Variants in PRTG observed in about 807,000 individuals in gnomAD.
PRTG encodes the protein protogenin.
PRTG carries 67 observed loss-of-function variants against 122.5 expected under a neutral mutation model. The observed-to-expected ratio is 0.55, with a 90% CI of 0.45 to 0.67. The LOEUF (loss-of-function observed/expected upper bound fraction) is 0.67, where lower values mean the gene tolerates loss of function less well. PRTG is among the 30% of genes least tolerant of loss of function. The probability of loss-of-function intolerance (pLI) is 0.00; values close to 1 mark genes in which losing one functional copy is unlikely to be tolerated. For missense variants in PRTG, 1,435 were observed against 1,415.4 expected (o/e 1.01, Z -0.22); for synonymous variants, 554 against 501.1 (o/e 1.11, Z -1.41).
At chr15:55,664,104 G>C (rs1270669258) in intron 11 of PRTG, among the ~76,000 whole-genome samples, 1 of 152,088 alleles carries the variant, frequency 6.6e-6, no homozygotes, top group Non-Finnish European at 1.5e-5. Flanking sequence ...TTTGTGTACA[G>C]TTTTTTTGTC....
rs59773365 is a variant in PRTG, at chr15:55,612,697, AATATATATATATATAT to A, written c.*7299_*7314del. On this transcript the variant is annotated 3_prime_UTR_variant, in exon 20 of 20. Coordinates refer to ENST00000389286, the MANE Select transcript of PRTG (RefSeq NM_173814.6). Reference sequence around the variant, plus strand: ...TTCTCTCTTTAACTCTTTAAAAGCCAATATATATATATATATATATATATATATATATATATATATA... The same window carrying A: ...TTCTCTCTTTAACTCTTTAAAAGCCAATATATATATATATATATATATATA... 231 of 120,730 alleles carry A rather than the reference AATATATATATATATAT, an allele frequency of 1.9e-3. 1 individual carries two copies. Among genetic ancestry groups the A allele is most frequent in the African/African-American group, 7.2e-3 (153 of 21,378 alleles). 7.5% of individuals were successfully genotyped at this position (120,730 alleles called of 1,614,324 possible).
At chr15:55,679,163 G>T in intron 7 of PRTG, 123 bp downstream of exon 7, 2 of 634,792 alleles carry the variant, frequency 3.2e-6, no homozygotes, top group Non-Finnish European at 5.3e-6. Flanking sequence ...TCTTAGTTTA[G>T]TTTCATTTTG....
intron 3 of PRTG, among the ~76,000 whole-genome samples, chr15:55,683,303 T>C (rs1198076296): frequency 1.3e-5 from 2 of 152,128 alleles, no homozygotes; most frequent in East Asian, 1.9e-4. Context: ...TTGGAGTTGC[T>C]ATCAAGTTCT....
intron 2 of PRTG, among the ~76,000 whole-genome samples, chr15:55,716,433 T>C (rs1193680907): frequency 6.6e-6 from 1 of 152,176 alleles, no homozygotes; most frequent in Admixed American, 6.5e-5. Flanking sequence ...CCCTAATCCA[T>C]GTGACTGAAC....
intron 2 of PRTG, among the ~76,000 whole-genome samples, chr15:55,728,790 G>A (rs1334306781): frequency 6.6e-6 from 1 of 152,106 alleles, no homozygotes; most frequent in Admixed American, 6.6e-5. Context: ...CCAAATTGGA[G>A]AGAGAGAAAT....
chr15:55,732,802 C>T (rs964289646), intron 2 of PRTG, among the ~76,000 whole-genome samples: 1 of 152,162 alleles, frequency 6.6e-6, no homozygotes, highest in Non-Finnish European at 1.5e-5. Context: ...CCGGTAAACC[C>T]TTAACAGCAG....
chr15:55,625,807 G>C (rs577333287), intron 17 of PRTG, among the ~76,000 whole-genome samples: 1 of 152,074 alleles, frequency 6.6e-6, no homozygotes, highest in African/African-American at 2.4e-5. Context: ...ATTTTTAGTA[G>C]AGACAGGATT....
intron 11 of PRTG, among the ~76,000 whole-genome samples, chr15:55,652,514 C>A (rs2059358414): frequency 6.6e-6 from 1 of 152,086 alleles, no homozygotes; most frequent in African/African-American, 2.4e-5. Flanking sequence ...TGCACTGCCC[C>A]CAAGCCTGTC....
chr15:55,722,955 C>T (rs530607782), intron 2 of PRTG, among the ~76,000 whole-genome samples: 34 of 152,258 alleles, frequency 2.2e-4, no homozygotes, highest in African/African-American at 6.7e-4. Context: ...GTAGAAAAAC[C>T]GAGCCCACCA....
chr15:55,742,575 C>T (rs2031645517), intron 1 of PRTG: 1 of 458,398 alleles, frequency 2.2e-6, no homozygotes, highest in East Asian at 3.8e-5. Flanking sequence ...AACTCCGCAG[C>T]CACGGGCGCG....
rs2059135934 is a variant in PRTG at position 55,615,043 on chromosome 15, T to A, written c.*4969A>T. Reference sequence around the variant, plus strand: ...GGTGGGCTCAATGTGATCACTGGAATCCTTAAACCTAGATAACCTGTATCA... The same window carrying A: ...GGTGGGCTCAATGTGATCACTGGAAACCTTAAACCTAGATAACCTGTATCA... On this transcript the variant is annotated 3_prime_UTR_variant, in exon 20 of 20. Coordinates refer to ENST00000389286, the MANE Select transcript of PRTG (RefSeq NM_173814.6). The A allele has an allele frequency of 6.6e-6, 1 of 152,086 alleles. No homozygotes were observed. Among genetic ancestry groups the A allele is most frequent in the South Asian group, 2.1e-4 (1 of 4,832 alleles). 9.4% of individuals were successfully genotyped at this position (152,086 alleles called of 1,614,324 possible). A position where few individuals can be genotyped will look rare whatever the true frequency, so the allele number is the denominator to read the frequency against.
rs574312519 is a variant in PRTG, at chr15:55,619,994, T to A, written c.*18A>T. On this transcript the variant is annotated 3_prime_UTR_variant, in exon 20 of 20. Coordinates refer to ENST00000389286, the MANE Select transcript of PRTG (RefSeq NM_173814.6). ...CCTCAATGCGGAATCTCCACCTGAATCACTGCCAGTGAAAGAATCAGAGGT... is the reference window on the plus strand; with the variant it reads ...CCTCAATGCGGAATCTCCACCTGAAACACTGCCAGTGAAAGAATCAGAGGT... The A allele has an allele frequency of 3.5e-5, 57 of 1,613,338 alleles. 1 individual carries two copies. In the South Asian group the frequency reaches 5.7e-4, roughly 16 times the overall value.
chr15:55,651,671 A>G (rs2059353829), intron 11 of PRTG, among the ~76,000 whole-genome samples: 1 of 152,220 alleles, frequency 6.6e-6, no homozygotes, highest in Non-Finnish European at 1.5e-5. Flanking sequence ...GATCAACAAT[A>G]AGAGATAATA....
intron 8 of PRTG, among the ~76,000 whole-genome samples, chr15:55,677,349 A>C (rs1299405292): frequency 6.6e-6 from 1 of 152,190 alleles, no homozygotes; most frequent in East Asian, 1.9e-4. Flanking sequence ...CAAAATCAAA[A>C]ATATGGGGAA....
At chr15:55,731,860 T>C (rs2031245678) in intron 2 of PRTG, among the ~76,000 whole-genome samples, 1 of 152,250 alleles carries the variant, frequency 6.6e-6, no homozygotes, top group African/African-American at 2.4e-5. Context: ...CTTGCATTAC[T>C]TAATGACAGA....
Position 55,627,104 on chromosome 15 carries a change from T to C in PRTG, c.2831A>G (p.Asp944Gly). 1 of 1,605,596 alleles carries C rather than the reference T, an allele frequency of 6.2e-7. No homozygotes were observed. Among genetic ancestry groups the C allele is most frequent in the African/African-American group, 1.3e-5 (1 of 74,816 alleles). Residue 944 changes from aspartate (D) to glycine (G), a missense_variant, in exon 17 of 20, where the codon GAC becomes GGC. Physicochemically the swap from Asp to Gly is moderately conservative, Grantham distance 94. Transcript: ENST00000389286. ...AKVYSGYYHL[D>G]QKSMTGIAVG... ...AGCAATGCCAGTCATTGATTTTTGG[T>C]CCAGATGGTAATATCCTGAATAAAC...
At chr15:55,677,005 G>C (rs886563463) in intron 8 of PRTG, among the ~76,000 whole-genome samples, 5 of 152,196 alleles carry the variant, frequency 3.3e-5, no homozygotes, top group South Asian at 2.1e-4. Context: ...GTTTGAATTT[G>C]TTTTTAACGT....
intron 2 of PRTG, among the ~76,000 whole-genome samples, chr15:55,709,004 G>C (rs1174981900): frequency 9.9e-5 from 15 of 151,708 alleles, no homozygotes; most frequent in African/African-American, 3.6e-4. Flanking sequence ...ACATTAGCTT[G>C]GTGTGGTGGT....
intron 2 of PRTG, among the ~76,000 whole-genome samples, chr15:55,707,419 T>G (rs1372029099): frequency 6.6e-6 from 1 of 152,228 alleles, no homozygotes; most frequent in African/African-American, 2.4e-5. Flanking sequence ...TATGACATAC[T>G]CTATGCCTGT....
Sources: gnomAD v4.1 joint callset for allele counts (sites outside exome capture counted in the v4.1 genomes callset) on GRCh38, gnomAD v4.1.1 for gene constraint, MANE v1.5 for transcripts, NCBI Gene and HGNC (gene_info 2026-07-23, HGNC 2026-07-21) for gene names.